MYO1E: variants seen among roughly 807,000 people sequenced by gnomAD.
MYO1E encodes the protein unconventional myosin-Ie.
MYO1E carries 68 observed loss-of-function variants against 151.1 expected under a neutral mutation model. The observed-to-expected ratio is 0.45, with a 90% CI of 0.37 to 0.55. The LOEUF is 0.55. MYO1E is among the 20% of genes least tolerant of loss of function. The pLI is 0.00. For synonymous variants in MYO1E, 601 were observed against 501.7 expected (o/e 1.20, Z -2.64); for missense variants, 1,363 against 1,389.3 (o/e 0.98, Z 0.30).
Position 59,253,901 on chromosome 15 carries a change from C to CTTTTTTTTTTTTTTTTTT in MYO1E, c.332+2382_332+2383insAAAAAAAAAAAAAAAAAA, listed in dbSNP as rs34819314. On this transcript the variant is annotated intron_variant, in intron 4 of 27. Coordinates refer to ENST00000288235, the MANE Select transcript of MYO1E (RefSeq NM_004998.4). The stretch of plus-strand genomic sequence containing the variant: ...TAGTAAGATCTACAGGACAAACAAC[C>CTTTTTTTTTTTTTTTTTT]TTTTTTTTTTTTTTTTAACAAAGCC... Among the ~76,000 whole-genome samples the CTTTTTTTTTTTTTTTTTT allele has an allele frequency of 1.6e-4, 22 of 135,820 alleles. 1 individual carries two copies. The highest frequency in any genetic ancestry group is 3.0e-4 in the Non-Finnish European group (19 of 62,600). 89.1% of individuals were successfully genotyped at this position (135,820 alleles called of 152,430 possible).
At chr15:59,308,993 G>A (rs2080533249) in intron 1 of MYO1E, among the ~76,000 whole-genome samples, 1 of 151,454 alleles carries the variant, frequency 6.6e-6, no homozygotes, top group South Asian at 2.1e-4. Flanking sequence ...CATGCCTGTG[G>A]TCCCAGCTAC....
At chr15:59,343,959 A>G (rs1441872381) in intron 1 of MYO1E, among the ~76,000 whole-genome samples, 1 of 152,120 alleles carries the variant, frequency 6.6e-6, no homozygotes, top group East Asian at 1.9e-4. Flanking sequence ...AGCTATTTTA[A>G]GCTCTCTTTC....
chr15:59,224,146 T>C (rs28702864), intron 8 of MYO1E, among the ~76,000 whole-genome samples: 9,993 of 152,232 alleles, frequency 0.066, 1,039 homozygotes, highest in African/African-American at 0.22. Flanking sequence ...GCCCCCAGGA[T>C]GGAACCCCTC....
intron 14 of MYO1E, chr15:59,207,075 C>A (rs3809528): frequency 0.35 from 569,559 of 1,613,942 alleles, 106,550 homozygotes; most frequent in East Asian, 0.63. Context: ...GGCTCTTCAC[C>A]CCCGTGAGCA....
chr15:59,202,938 G>T (rs1379184090), intron 15 of MYO1E, among the ~76,000 whole-genome samples: 2 of 152,160 alleles, frequency 1.3e-5, no homozygotes, highest in African/African-American at 2.4e-5. Flanking sequence ...TAGAGATGGG[G>T]TTTCGCCATG....
At chr15:59,224,956 C>G (rs753204520) in intron 7 of MYO1E, 133 bp from the exon 8 acceptor site, 2 of 1,199,208 alleles carry the variant, frequency 1.7e-6, no homozygotes, top group African/African-American at 1.5e-5. Context: ...TCCTGGCCCC[C>G]AAATATGTAC....
intron 26 of MYO1E, among the ~76,000 whole-genome samples, chr15:59,139,013 G>A (rs950187091): frequency 6.6e-6 from 1 of 152,088 alleles, no homozygotes; most frequent in African/African-American, 2.4e-5. Context: ...GAGTGAGTGT[G>A]TCACAGTTTA....
chr15:59,270,314 G>A (rs1022009586), intron 2 of MYO1E, among the ~76,000 whole-genome samples: 2 of 152,016 alleles, frequency 1.3e-5, no homozygotes, highest in Non-Finnish European at 2.9e-5. Context: ...CACTTTGGAA[G>A]GCCGAGGCAG....
intron 4 of MYO1E, among the ~76,000 whole-genome samples, chr15:59,248,405 G>T (rs1472071571): frequency 7.1e-6 from 1 of 141,026 alleles, no homozygotes; most frequent in Non-Finnish European, 1.5e-5. Context: ...AGAATCGCTT[G>T]AACCCGGGGG....
chr15:59,141,434 T>G (rs1458729324), intron 26 of MYO1E, among the ~76,000 whole-genome samples: 2 of 152,212 alleles, frequency 1.3e-5, no homozygotes, highest in African/African-American at 2.4e-5. Flanking sequence ...CTTAATATAA[T>G]GTAAATGCTA....
chr15:59,211,734 G>C (rs1377944696), intron 12 of MYO1E, among the ~76,000 whole-genome samples: 2 of 152,070 alleles, frequency 1.3e-5, no homozygotes, highest in Non-Finnish European at 2.9e-5. Context: ...ATAAAGCTAA[G>C]AATCACCCGT....
chr15:59,185,101 C>T (rs2079687780), intron 18 of MYO1E, among the ~76,000 whole-genome samples: 1 of 152,066 alleles, frequency 6.6e-6, no homozygotes, highest in African/African-American at 2.4e-5. Context: ...AGAAATGTCT[C>T]TTGAGATCTT....
At chr15:59,293,067 C>T (rs1341828672) in intron 1 of MYO1E, among the ~76,000 whole-genome samples, 3 of 152,146 alleles carry the variant, frequency 2.0e-5, no homozygotes, top group Non-Finnish European at 4.4e-5. Flanking sequence ...CCAAACACCA[C>T]AGGTAAGGAA....
At chr15:59,268,541 C>T (rs1257837582) in intron 2 of MYO1E, among the ~76,000 whole-genome samples, 6 of 151,920 alleles carry the variant, frequency 3.9e-5, no homozygotes, top group African/African-American at 1.5e-4. Context: ...TAATACAATG[C>T]ACCATGCCAA....
chr15:59,355,866 C>A (rs1197471674), intron 1 of MYO1E, among the ~76,000 whole-genome samples: 2 of 152,210 alleles, frequency 1.3e-5, no homozygotes, highest in South Asian at 4.2e-4. Flanking sequence ...CAGGCACACA[C>A]CACGATGTCT....
rs544427549 is a variant in MYO1E at position 59,219,927 on chromosome 15, G to A, written c.911-1840C>T. Among the ~76,000 whole-genome samples, 14 of 152,266 alleles carry A rather than the reference G, an allele frequency of 9.2e-5. No individual in the cohort carries two copies. The South Asian group carries it at 2.5e-3, about 27-fold the overall frequency. ...CAGAAGCATTCTGAGAAACTTCTTT[G>A]CGATGTGTGCATTCATCTCACAGAG... is the stretch of plus-strand genomic sequence containing the variant. On this transcript the variant is annotated intron_variant, in intron 9 of 27. Transcript: ENST00000288235.
At chr15:59,293,385 A>C (rs868333163) in intron 1 of MYO1E, among the ~76,000 whole-genome samples, 1 of 152,050 alleles carries the variant, frequency 6.6e-6, no homozygotes, top group African/African-American at 2.4e-5. Context: ...ATCTCTACTA[A>C]AAATACAAAA....
At chr15:59,362,417 T>C (rs550043272) in intron 1 of MYO1E, among the ~76,000 whole-genome samples, 116 of 152,310 alleles carry the variant, frequency 7.6e-4, no homozygotes, top group Middle Eastern at 3.4e-3. Context: ...GAATGTTTAT[T>C]TGTTATTATA....
Position 59,173,735 on chromosome 15 carries a change from T to A in MYO1E, c.2334+11A>T. ...GTTTGGTGATCTCAGAGGCAGGCAG[T>A]TAGCACGTACCTTGAACCTCCTGTC... On this transcript the variant is annotated intron_variant, in intron 21 of 27. Coordinates refer to ENST00000288235, the MANE Select transcript of MYO1E (RefSeq NM_004998.4). The A allele has an allele frequency of 6.2e-7, 1 of 1,614,038 alleles. No homozygotes were observed. The highest frequency in any genetic ancestry group is 1.1e-5 in the South Asian group (1 of 91,076).
Sources: allele counts gnomAD v4.1 joint callset (sites outside exome capture counted in the v4.1 genomes callset), GRCh38; gene constraint gnomAD v4.1.1; transcripts MANE v1.5; gene names NCBI Gene and HGNC (gene_info 2026-07-23, HGNC 2026-07-21).